The following QTRT1 variants were observed in gnomAD, a reference collection of about 807,000 sequenced individuals.
The protein encoded by QTRT1 is queuine tRNA-ribosyltransferase catalytic subunit 1.
A neutral mutation model predicts 44.0 loss-of-function variants in QTRT1; 41 were observed. The observed-to-expected ratio is 0.93, with a 90% CI of 0.73 to 1.21. QTRT1 has a LOEUF of 1.21. Among genes scored for constraint, QTRT1 ranks in the 50% most tolerant of loss-of-function variants. The pLI is 0.00. For missense variants in QTRT1, 542 were observed against 575.8 expected (o/e 0.94, Z 0.60); for synonymous variants, 226 against 237.1 (o/e 0.95, Z 0.43).
rs994483172 is a variant in QTRT1 at position 10,707,529 on chromosome 19, C to T, written c.560C>T (p.Ala187Val). Reference protein sequence around the residue: ...RSIRWLDRCIAAHQRPDKQNL... With the variant: ...RSIRWLDRCIVAHQRPDKQNL... ...ATCCGCTGGCTGGACCGGTGCATTG[C>T]AGCCCATCAGCGGCCGGACAAGCAG... The change falls in exon 5 of 10, where the codon GCA becomes GTA. Residue 187 changes from alanine to valine, a missense_variant. By Grantham distance (64) the Ala-to-Val change is moderately conservative. Transcript: ENST00000250237. 1.9e-6 allele frequency: 3 copies of T among 1,613,062 alleles called. No individual in the cohort carries two copies. Among genetic ancestry groups the T allele is most frequent in the African/African-American group, 1.3e-5 (1 of 74,936 alleles).
chr19:10,713,040 G>A lies in QTRT1; in HGVS notation c.1059G>A (p.Gln353=), dbSNP rs932887276. ...TCACGGTCCACAACATCGCCTACCAGGTGAGCCAGTGCCCGGGGCAAGGTG... is the reference window on the plus strand; with the variant it reads ...TCACGGTCCACAACATCGCCTACCAAGTGAGCCAGTGCCCGGGGCAAGGTG... The part of the protein sequence containing the change: ...HHLTVHNIAY[Q]LQLMSAVRTS... The change falls in exon 9 of 10, where the codon CAG becomes CAA. Residue 353 remains glutamine (Q), a splice_region_variant and synonymous_variant. Transcript: ENST00000250237. This position sits in a 1 kb window ranked among gnomAD's most constrained non-coding sequence, Gnocchi z 4.3. 1.9e-6 allele frequency: 3 copies of A among 1,610,744 alleles called. No individual in the cohort carries two copies. Among genetic ancestry groups the A allele is most frequent in the Non-Finnish European group, 2.5e-6 (3 of 1,179,910 alleles).
At chr19:10,703,745 C>T (rs1398638144) in intron 3 of QTRT1, among the ~76,000 whole-genome samples, 1 of 151,964 alleles carries the variant, frequency 6.6e-6, no homozygotes, top group South Asian at 2.1e-4. Context: ...TTACGAACTC[C>T]TGACCTCAAG....
Position 10,707,597 on chromosome 19 carries a change from C to A in QTRT1, c.628C>A (p.Arg210=). 6.2e-7 allele frequency: 1 copy of A among 1,606,384 alleles called. No homozygotes were observed. Among genetic ancestry groups the A allele is most frequent in the South Asian group, 1.1e-5 (1 of 90,546 alleles). Residue 210 remains arginine, a synonymous_variant, in exon 5 of 10, where the codon CGG becomes AGG. Transcript: ENST00000250237. ...IIQGGLDADL[R]ATCLEEMTKR... Reference sequence around the variant, plus strand: ...CCAGGGTGGGCTGGACGCAGATCTCCGGGCCACCTGCCTTGAAGGTAGAGC... The same window carrying A: ...CCAGGGTGGGCTGGACGCAGATCTCAGGGCCACCTGCCTTGAAGGTAGAGC...
At chr19:10,703,067 C>CTTT (rs35329214) in intron 3 of QTRT1, among the ~76,000 whole-genome samples, 12 of 43,032 alleles carry the variant, frequency 2.8e-4, no homozygotes, top group Admixed American at 7.1e-4. Context: ...CCACACCTGG[C>CTTT]TTTTTTTTTT....
rs534529839 is a variant in QTRT1, at chr19:10,706,958, C to T, written c.452-344C>T. 99 of 293,670 alleles carry T rather than the reference C, an allele frequency of 3.4e-4. 2 individuals are homozygous for T. Among genetic ancestry groups the T allele is most frequent in the African/African-American group, 2.2e-3 (98 of 45,500 alleles). The allele number at this position is 293,670 out of a possible 1,614,324, so 18.2% of individuals were successfully genotyped here. ...TCGGCGTCCCCAAGTGCTGGGATTA[C>T]AGGCGTAGTCACTGCGCCCAGTCAG... is the stretch of plus-strand genomic sequence containing the variant. On this transcript the variant is annotated intron_variant, in intron 3 of 9. Coordinates refer to ENST00000250237, the MANE Select transcript of QTRT1 (RefSeq NM_031209.3).
At position 10,702,035 on chromosome 19, in the gene QTRT1, G is replaced by A; in HGVS notation, c.312+17G>A. 1 of 1,614,228 alleles carries A rather than the reference G, an allele frequency of 6.2e-7. No individual in the cohort carries two copies. Among genetic ancestry groups the A allele is most frequent in the Non-Finnish European group, 8.5e-7 (1 of 1,180,032 alleles). On this transcript the variant is annotated intron_variant, in intron 2 of 9. Transcript: ENST00000250237. ...CTGCTAACGGTGAGCTGAGGAGAGA[G>A]CCGACGTTCTAGGGCCCTTCTCTGG...
intron 3 of QTRT1, among the ~76,000 whole-genome samples, chr19:10,704,762 T>C (rs571196700): frequency 2.0e-5 from 3 of 150,652 alleles, no homozygotes; most frequent in African/African-American, 7.3e-5. Context: ...TAATTTTGTA[T>C]TTTTGGTAGA....
chr19:10,709,919 G>A (rs1352427894), intron 5 of QTRT1, among the ~76,000 whole-genome samples: 1 of 152,112 alleles, frequency 6.6e-6, no homozygotes, highest in East Asian at 1.9e-4. Flanking sequence ...GCTGAGGCAG[G>A]AGAATCATTT....
chr19:10,701,567 C>A lies in QTRT1; in HGVS notation c.107C>A (p.Pro36Gln), dbSNP rs1484092533. The change falls in exon 1 of 10, where the codon CCG becomes CAG. Residue 36 changes from proline (P) to glutamine (Q), a missense_variant. Coordinates refer to ENST00000250237, the MANE Select transcript of QTRT1 (RefSeq NM_031209.3). Reference sequence around the variant, plus strand: ...GCCCGGGCAGGCGAGCTGTGGCTGCCGCATGGGACAGTGGCCACTCCTGTG... The same window carrying A: ...GCCCGGGCAGGCGAGCTGTGGCTGCAGCATGGGACAGTGGCCACTCCTGTG... ...SRARAGELWLPHGTVATPVFM... is the reference protein window; with the variant it reads ...SRARAGELWLQHGTVATPVFM... 2.5e-6 allele frequency: 4 copies of A among 1,606,564 alleles called. No homozygotes were observed. The Admixed American group carries it at 6.7e-5, about 27-fold the overall frequency.
chr19:10,712,336 G>T lies in QTRT1; in HGVS notation c.785+37G>T, dbSNP rs533299114. ...ATAGGGAAGCCAGAGCCCTACCTGT[G>T]GGAAGTGGATTCCTGGGGACCCCCT... On this transcript the variant is annotated intron_variant, in intron 6 of 9. Coordinates refer to ENST00000250237, the MANE Select transcript of QTRT1 (RefSeq NM_031209.3). The surrounding 1 kb of genome is among the most constrained non-coding windows in gnomAD (Gnocchi z 5.6). 6.3e-7 allele frequency: 1 copy of T among 1,582,250 alleles called. No homozygotes were observed. The highest frequency in any genetic ancestry group is 1.3e-5 in the African/African-American group (1 of 74,282).
chr19:10,707,542 G>T lies in QTRT1; in HGVS notation c.573G>T (p.Arg191=). The T allele has an allele frequency of 1.2e-6, 2 of 1,613,098 alleles. No homozygotes were observed. The highest frequency in any genetic ancestry group is 1.7e-6 in the Non-Finnish European group (2 of 1,179,552). The change falls in exon 5 of 10, where the codon CGG becomes CGT. Residue 191 remains arginine (R), a synonymous_variant. Coordinates refer to ENST00000250237, the MANE Select transcript of QTRT1 (RefSeq NM_031209.3). ...WLDRCIAAHQ[R]PDKQNLFAII... ...ACCGGTGCATTGCAGCCCATCAGCG[G>T]CCGGACAAGCAGAACCTCTTCGCCA...
In QTRT1 at chr19:10,712,280, C is replaced by T. The variant is rs1216444851; in HGVS notation, c.766C>T (p.Arg256Ter). Residue 256 changes from arginine to a stop codon, truncating the protein, a stop_gained, in exon 6 of 10, where the codon CGA (arginine) becomes TGA (stop). Transcript: ENST00000250237. LOFTEE classifies it high-confidence loss of function. The surrounding 1 kb of genome is among the most constrained non-coding windows in gnomAD (Gnocchi z 5.6). The stretch of plus-strand genomic sequence containing the variant: ...CTCTCGGCTGCCGAAGGACAAGCCC[C>T]GATATCTGATGGGGGTTGGGTATGT... ...STSRLPKDKP[R>*]YLMGVGYATD... The T allele has an allele frequency of 1.2e-5, 20 of 1,613,118 alleles. No homozygotes were observed. The highest frequency in any genetic ancestry group is 1.7e-5 in the Non-Finnish European group (20 of 1,179,564).
At position 10,707,581 on chromosome 19, in the gene QTRT1, G is replaced by T. The variant is rs2068719997; in HGVS notation, c.612G>T (p.Gly204=). The part of the protein sequence containing the change: ...KQNLFAIIQG[G]LDADLRATCL... ...ACCTCTTCGCCATTATCCAGGGTGG[G>T]CTGGACGCAGATCTCCGGGCCACCT... The change falls in exon 5 of 10, where the codon GGG becomes GGT. Residue 204 remains glycine, a synonymous_variant. Coordinates refer to ENST00000250237, the MANE Select transcript of QTRT1 (RefSeq NM_031209.3). 2 of 1,610,438 alleles carry T rather than the reference G, an allele frequency of 1.2e-6. No homozygotes were observed. The highest frequency in any genetic ancestry group is 3.3e-5 in the Admixed American group (2 of 59,868).
Position 10,712,032 on chromosome 19 carries a change from T to A in QTRT1, c.647-129T>A. The A allele has an allele frequency of 1.7e-6, 2 of 1,165,838 alleles. No homozygotes were observed. The highest frequency in any genetic ancestry group is 4.7e-5 in the East Asian group (2 of 42,240). 72.2% of individuals were successfully genotyped at this position (1,165,838 alleles called of 1,614,324 possible). On this transcript the variant is annotated intron_variant, in intron 5 of 9. Transcript: ENST00000250237. The surrounding 1 kb of genome is among the most constrained non-coding windows in gnomAD (Gnocchi z 5.6). Reference sequence around the variant, plus strand: ...CTCCCTCTCCGTCTCTGGCTCTGTCTGTCTGTCTCTGTCTGTTTCTCTGAC... The same window carrying A: ...CTCCCTCTCCGTCTCTGGCTCTGTCAGTCTGTCTCTGTCTGTTTCTCTGAC...
intron 5 of QTRT1, among the ~76,000 whole-genome samples, chr19:10,708,347 A>G (rs1279055321): frequency 6.6e-6 from 1 of 151,554 alleles, no homozygotes; most frequent in East Asian, 1.9e-4. Flanking sequence ...GCAGCCTCAA[A>G]CTCCTGGGAT....
intron 1 of QTRT1, 52 bp from the exon 2 acceptor site, chr19:10,701,898 G>A: frequency 6.2e-7 from 1 of 1,602,186 alleles, no homozygotes; most frequent in South Asian, 1.1e-5. Context: ...CCCAAGAAGG[G>A]CCCCCAGGGA....
In QTRT1 at chr19:10,701,663, G is replaced by C. The variant is rs1191332087; in HGVS notation, c.203G>C (p.Arg68Pro). 1.9e-6 allele frequency: 3 copies of C among 1,589,952 alleles called. No individual in the cohort carries two copies. Among genetic ancestry groups the C allele is most frequent in the South Asian group, 2.3e-5 (2 of 88,532 alleles). Residue 68 changes from arginine to proline, a missense_variant, in exon 1 of 10, where the codon CGC becomes CCC. By Grantham distance (103) the Arg-to-Pro change is moderately radical (BLOSUM62 -2). Coordinates refer to ENST00000250237, the MANE Select transcript of QTRT1 (RefSeq NM_031209.3). The part of the protein sequence containing the change: ...TTEQLDALGC[R>P]ICLGNTYHLG... ...GAACAGCTGGACGCTCTGGGTTGCC[G>C]CATCTGCCTGGGCAATACCTACCAT...
chr19:10,705,944 C>T (rs1039161166), intron 3 of QTRT1, among the ~76,000 whole-genome samples: 4 of 146,582 alleles, frequency 2.7e-5, no homozygotes, highest in African/African-American at 5.1e-5. Context: ...CAAGCTTCAC[C>T]TCCCGGGTGC....
intron 3 of QTRT1, among the ~76,000 whole-genome samples, chr19:10,704,641 G>A (rs1193243783): frequency 1.3e-5 from 2 of 151,500 alleles, no homozygotes; most frequent in African/African-American, 4.9e-5. Flanking sequence ...AGGCTGGAGT[G>A]CAATGGCGCA....
Sources: allele counts gnomAD v4.1 joint callset (sites outside exome capture counted in the v4.1 genomes callset), GRCh38; gene constraint gnomAD v4.1.1; non-coding constraint Gnocchi (gnomAD v3.1); transcripts MANE v1.5; gene names NCBI Gene and HGNC (gene_info 2026-07-23, HGNC 2026-07-21).